PDSS1: variants seen among roughly 807,000 people sequenced by gnomAD.
PDSS1 encodes the protein decaprenyl diphosphate synthase subunit 1.
PDSS1 carries 43 observed loss-of-function variants against 57.5 expected under a neutral mutation model. That is an observed-to-expected ratio of 0.75 (90% CI 0.59 to 0.96). The LOEUF (loss-of-function observed/expected upper bound fraction) is 0.96, where lower values mean the gene tolerates loss of function less well. Among genes scored for constraint, PDSS1 ranks in the 50% least tolerant of loss-of-function variants. PDSS1 has a pLI of 0.00. For synonymous variants in PDSS1, 175 were observed against 191.3 expected (o/e 0.91, Z 0.70); for missense variants, 438 against 527.8 (o/e 0.83, Z 1.67).
intron 2 of PDSS1, among the ~76,000 whole-genome samples, chr10:26,703,772 G>A (rs1426032274): frequency 6.6e-6 from 1 of 152,144 alleles, no homozygotes; most frequent in African/African-American, 2.4e-5. Context: ...GTCTGGCAAA[G>A]TCAACTTTCA....
chr10:26,729,037 C>G (rs1253371949), intron 8 of PDSS1, among the ~76,000 whole-genome samples: 1 of 152,094 alleles, frequency 6.6e-6, no homozygotes, highest in African/African-American at 2.4e-5. Flanking sequence ...ACCTCGGCCT[C>G]CCAAAGTGCT....
intron 8 of PDSS1, chr10:26,734,578 TAC>T (rs1836324709): frequency 4.7e-6 from 2 of 428,738 alleles, no homozygotes; most frequent in South Asian, 3.3e-5. Flanking sequence ...AGGGTTTTTA[TAC>T]AGTTACTTCT....
In PDSS1 at chr10:26,742,571, A is replaced by G. The variant is rs1404818835; in HGVS notation, c.1101A>G (p.Val367=). 7 of 1,597,616 alleles carry G rather than the reference A, an allele frequency of 4.4e-6. No individual in the cohort carries two copies. The highest frequency in any genetic ancestry group is 6.0e-6 in the Non-Finnish European group (7 of 1,165,652). Residue 367 remains valine, a synonymous_variant, in exon 11 of 12, where the codon GTA becomes GTG. Coordinates refer to ENST00000376215, the MANE Select transcript of PDSS1 (RefSeq NM_014317.5). ...ATGTAGACAGAGCTCGACAGTATGT[A>G]CTACAGGTAAGACTGTTTTTTTAAA... The part of the protein sequence containing the change: ...PGDVDRARQY[V]LQSDGVQQTT...
At chr10:26,724,263 C>A in intron 8 of PDSS1, 140 bp downstream of exon 8, 1 of 707,968 alleles carries the variant, frequency 1.4e-6, no homozygotes. Context: ...AGAATGACAT[C>A]CCCAAACAAT....
chr10:26,735,128 G>A lies in PDSS1; in HGVS notation c.832-112G>A, dbSNP rs1836346550. 5.1e-6 allele frequency: 4 copies of A among 783,196 alleles called. No homozygotes were observed. In the East Asian group the frequency reaches 7.3e-5, roughly 14 times the overall value. 48.5% of individuals were successfully genotyped at this position (783,196 alleles called of 1,614,324 possible). On this transcript the variant is annotated intron_variant, in intron 8 of 11. Transcript: ENST00000376215. Reference sequence around the variant, plus strand: ...CCTCTGATGTCAGCATCTCCTGAGTGTGTATAATCTAGCCCCGCTGCCTCC... The same window carrying A: ...CCTCTGATGTCAGCATCTCCTGAGTATGTATAATCTAGCCCCGCTGCCTCC...
intron 4 of PDSS1, among the ~76,000 whole-genome samples, chr10:26,707,339 C>T (rs1457561907): frequency 6.6e-6 from 1 of 152,132 alleles, no homozygotes; most frequent in African/African-American, 2.4e-5. Flanking sequence ...GTTTTTGTAT[C>T]TATTGAGAGA....
chr10:26,720,716 A>C, intron 6 of PDSS1, among the ~76,000 whole-genome samples: 1 of 152,218 alleles, frequency 6.6e-6, no homozygotes, highest in East Asian at 1.9e-4. Flanking sequence ...TGAGTGCTGC[A>C]TATAAATGCC....
At chr10:26,718,337 G>A (rs1474408118) in intron 5 of PDSS1, among the ~76,000 whole-genome samples, 1 of 152,032 alleles carries the variant, frequency 6.6e-6, no homozygotes, top group Admixed American at 6.6e-5. Flanking sequence ...ACCTGTAACT[G>A]TGCCTAGACT....
At chr10:26,744,698 T>C (rs1257965343) in intron 11 of PDSS1, among the ~76,000 whole-genome samples, 2 of 151,848 alleles carry the variant, frequency 1.3e-5, no homozygotes, top group African/African-American at 4.8e-5. Flanking sequence ...CCATGAACAC[T>C]TTCTGGGTAG....
At chr10:26,741,345 G>A (rs1166600624) in intron 10 of PDSS1, among the ~76,000 whole-genome samples, 3 of 152,144 alleles carry the variant, frequency 2.0e-5, no homozygotes, top group Non-Finnish European at 2.9e-5. Flanking sequence ...TTAGCCGGGT[G>A]TGGTGGCGCA....
intron 8 of PDSS1, among the ~76,000 whole-genome samples, chr10:26,731,167 C>T (rs1836180359): frequency 1.3e-5 from 2 of 151,966 alleles, no homozygotes; most frequent in African/African-American, 2.4e-5. Flanking sequence ...ATGGTGGAAC[C>T]CCATCTCTAC....
chr10:26,741,512 A>T (rs962666527), intron 10 of PDSS1, among the ~76,000 whole-genome samples: 1 of 152,110 alleles, frequency 6.6e-6, no homozygotes, highest in Non-Finnish European at 1.5e-5. Flanking sequence ...CAACAAAAAA[A>T]CAAAAAACAC....
chr10:26,707,129 G>T (rs1835255874), intron 4 of PDSS1, among the ~76,000 whole-genome samples: 1 of 152,310 alleles, frequency 6.6e-6, no homozygotes, highest in South Asian at 2.1e-4. Flanking sequence ...TGGCCCGCCA[G>T]TGTTGGGGAG....
At chr10:26,714,310 C>CA (rs1308148525) in intron 5 of PDSS1, among the ~76,000 whole-genome samples, 5 of 151,808 alleles carry the variant, frequency 3.3e-5, no homozygotes, top group Non-Finnish European at 7.4e-5. Context: ...CCCATCTCTA[C>CA]AAAAAATATA....
At chr10:26,716,925 C>G (rs1835602091) in intron 5 of PDSS1, among the ~76,000 whole-genome samples, 1 of 152,054 alleles carries the variant, frequency 6.6e-6, no homozygotes, top group South Asian at 2.1e-4. Context: ...TTTTTGAAGG[C>G]TTGATTCAGT....
rs543847648 is a variant in PDSS1, at chr10:26,712,001, C to CTT, written c.467+2250_467+2251dup. Among the ~76,000 whole-genome samples the CTT allele has an allele frequency of 0.015, 900 of 61,918 alleles. 208 individuals carry two copies. In the South Asian group the frequency reaches 0.2, roughly 14 times the overall value. The allele number at this position is 61,918 out of a possible 152,430, so 40.6% of individuals were successfully genotyped here. ...ATTGGAAGTTTTTCTTTTTCTTTTTCTTTTTTTTTTTTTTTTTTGAGATGG... is the reference window on the plus strand; with the variant it reads ...ATTGGAAGTTTTTCTTTTTCTTTTTCTTTTTTTTTTTTTTTTTTTTGAGATGG... On this transcript the variant is annotated intron_variant, in intron 5 of 11. Coordinates refer to ENST00000376215, the MANE Select transcript of PDSS1 (RefSeq NM_014317.5).
intron 2 of PDSS1, among the ~76,000 whole-genome samples, chr10:26,703,419 GAGGATCACTTTTGCTC>G (rs72301598): frequency 0.52 from 78,975 of 151,544 alleles, 21,595 homozygotes; most frequent in Middle Eastern, 0.63. Flanking sequence ...GCTGTGGCAG[GAGGATCACTTTTGCTC>G]AGGATTTCTA....
chr10:26,729,904 C>CCTTTTTTTTTTTTTTT (rs1836108673), intron 8 of PDSS1, among the ~76,000 whole-genome samples: 1 of 75,334 alleles, frequency 1.3e-5, no homozygotes. Context: ...TAGTTGGTTC[C>CCTTTTTTTTTTTTTTT]TTTTTTTTTT....
intron 5 of PDSS1, chr10:26,717,755 C>T (rs1358731546): frequency 6.6e-6 from 1 of 151,908 alleles, no homozygotes. Context: ...TAGACCTTAC[C>T]TGTTGTTTTA....
Sources: gnomAD v4.1 joint callset for allele counts (sites outside exome capture counted in the v4.1 genomes callset) on GRCh38, gnomAD v4.1.1 for gene constraint, MANE v1.5 for transcripts, NCBI Gene and HGNC (gene_info 2026-07-23, HGNC 2026-07-21) for gene names.